Variants in LANCL1 observed in about 807,000 individuals in gnomAD.
LANCL1 encodes the protein glutathione S-transferase LANCL1.
LANCL1 carries 50 observed loss-of-function variants against 50.6 expected under a neutral mutation model. The ratio of observed to expected loss-of-function variants is 0.99; its 90% CI spans 0.79 to 1.25. The LOEUF is 1.25. LANCL1 is among the 50% of genes most tolerant of loss of function. LANCL1 has a pLI of 0.00. For missense variants in LANCL1, 532 were observed against 480.7 expected (o/e 1.11, Z -1.00); for synonymous variants, 188 against 178.6 (o/e 1.05, Z -0.42).
intron 8 of LANCL1, 104 bp from the exon 9 acceptor site, chr2:210,435,563 C>A: frequency 2.4e-6 from 2 of 817,750 alleles, no homozygotes; most frequent in South Asian, 1.4e-5. Flanking sequence ...TCAAACACTA[C>A]CTTCACATCA....
chr2:210,454,559 A>G (rs1693608569), intron 4 of LANCL1, among the ~76,000 whole-genome samples: 1 of 152,218 alleles, frequency 6.6e-6, no homozygotes, highest in Admixed American at 6.5e-5. Flanking sequence ...CACGGCAGCC[A>G]GGGTTCTTAG....
chr2:210,438,201 C>G (rs1191989722), intron 6 of LANCL1, among the ~76,000 whole-genome samples: 1 of 141,204 alleles, frequency 7.1e-6, no homozygotes, highest in Admixed American at 7.6e-5. Flanking sequence ...ATGGTGCGAT[C>G]TTGGCTCCCT....
chr2:210,476,242 T>C, intron 2 of LANCL1, 74 bp downstream of exon 2: 1 of 1,029,908 alleles, frequency 9.7e-7, no homozygotes, highest in East Asian at 2.4e-5. Flanking sequence ...CTCAACTCTC[T>C]CAGGCAAAAA....
chr2:210,471,384 C>T (rs1014317772), intron 3 of LANCL1: 2 of 351,746 alleles, frequency 5.7e-6, no homozygotes, highest in Admixed American at 3.9e-5. Context: ...TTTTTGACAT[C>T]AATGCACTGT....
At chr2:210,473,114 G>T (rs1223876181) in intron 2 of LANCL1, among the ~76,000 whole-genome samples, 1 of 152,166 alleles carries the variant, frequency 6.6e-6, no homozygotes, top group Non-Finnish European at 1.5e-5. Context: ...AGTGGCTAAT[G>T]CCTGTAATCC....
intron 4 of LANCL1, among the ~76,000 whole-genome samples, chr2:210,444,627 C>T (rs1339420217): frequency 6.6e-6 from 1 of 152,178 alleles, no homozygotes; most frequent in Non-Finnish European, 1.5e-5. Context: ...AATGCTGGCT[C>T]ATCCATTTTT....
intron 4 of LANCL1, among the ~76,000 whole-genome samples, chr2:210,449,685 C>T (rs1055998303): frequency 2.0e-5 from 3 of 152,194 alleles, no homozygotes; most frequent in African/African-American, 7.2e-5. Context: ...AAATCACAAG[C>T]ATTCCTATAC....
At chr2:210,471,118 C>T (rs1694211220) in intron 3 of LANCL1, among the ~76,000 whole-genome samples, 1 of 133,792 alleles carries the variant, frequency 7.5e-6, no homozygotes, top group Admixed American at 8.7e-5. Context: ...GTGATCTCAT[C>T]TCACTGCAAT....
chr2:210,476,118 G>A (rs1694359190), intron 2 of LANCL1, among the ~76,000 whole-genome samples, 198 bp downstream of exon 2: 1 of 152,058 alleles, frequency 6.6e-6, no homozygotes, highest in Non-Finnish European at 1.5e-5. Context: ...AATTAATAAT[G>A]TTAACAATGA....
intron 3 of LANCL1, among the ~76,000 whole-genome samples, chr2:210,465,854 TG>T (rs567475238): frequency 1.3e-5 from 2 of 151,822 alleles, no homozygotes; most frequent in Admixed American, 6.6e-5. Flanking sequence ...AACCCTATTC[TG>T]GGGGGGGAAA....
chr2:210,466,246 A>G (rs1020960229), intron 3 of LANCL1, among the ~76,000 whole-genome samples: 3 of 152,136 alleles, frequency 2.0e-5, no homozygotes, highest in Admixed American at 2.0e-4. Context: ...TACTTGCCCC[A>G]AACAGGTCTC....
intron 3 of LANCL1, among the ~76,000 whole-genome samples, chr2:210,464,829 G>A (rs1005758245): frequency 5.3e-5 from 8 of 150,360 alleles, no homozygotes; most frequent in African/African-American, 2.0e-4. Context: ...AGCCGGGTGC[G>A]GTGGCGGGCG....
In LANCL1 at chr2:210,431,304, C is replaced by CA. The variant is rs533031618; in HGVS notation, c.*3182dup. On this transcript the variant is annotated 3_prime_UTR_variant, in exon 10 of 10. Transcript: ENST00000450366. Reference sequence around the variant, plus strand: ...CTAGTAAGTCAAATACTTTACAGAACATAGAAATACATATGATCCCAGCCT... The same window carrying CA: ...CTAGTAAGTCAAATACTTTACAGAACAATAGAAATACATATGATCCCAGCCT... 3.9e-5 allele frequency: 6 copies of CA among 152,274 alleles called. No homozygotes were observed. The South Asian group carries it at 1.2e-3, about 32-fold the overall frequency. 9.4% of individuals were successfully genotyped at this position (152,274 alleles called of 1,614,324 possible).
chr2:210,437,454 G>A (rs1692972521), intron 7 of LANCL1, among the ~76,000 whole-genome samples: 1 of 152,080 alleles, frequency 6.6e-6, no homozygotes, highest in African/African-American at 2.4e-5. Context: ...TAGATAATAT[G>A]CTGGATCATA....
intron 9 of LANCL1, among the ~76,000 whole-genome samples, chr2:210,434,876 A>G (rs901111088): frequency 1.3e-5 from 2 of 152,054 alleles, no homozygotes; most frequent in African/African-American, 4.8e-5. Flanking sequence ...ATTTTTTAAC[A>G]TTAACAACAT....
chr2:210,444,482 T>C (rs184856691), intron 4 of LANCL1, among the ~76,000 whole-genome samples: 180 of 152,336 alleles, frequency 1.2e-3, no homozygotes, highest in African/African-American at 4.0e-3. Flanking sequence ...GAGAAACTTA[T>C]GAAGGAGTCT....
intron 3 of LANCL1, among the ~76,000 whole-genome samples, chr2:210,464,020 A>G (rs1662118399): frequency 6.6e-6 from 1 of 152,238 alleles, no homozygotes; most frequent in Non-Finnish European, 1.5e-5. Context: ...AAAAGCCAAG[A>G]TAATTTCAGT....
chr2:210,476,236 ACT>A (rs936611736), intron 2 of LANCL1, 78 bp downstream of exon 2: 77 of 945,956 alleles, frequency 8.1e-5, no homozygotes, highest in African/African-American at 6.7e-4. Flanking sequence ...GGGATGCTCA[ACT>A]CTCTCAGGCA....
intron 2 of LANCL1, among the ~76,000 whole-genome samples, chr2:210,473,958 G>A (rs975164819): frequency 5.9e-5 from 9 of 152,292 alleles, no homozygotes; most frequent in Non-Finnish European, 1.0e-4. Context: ...TTGAGAACAC[G>A]TCATCTACTG....
Sources: gnomAD v4.1 joint callset for allele counts (sites outside exome capture counted in the v4.1 genomes callset) on GRCh38, gnomAD v4.1.1 for gene constraint, MANE v1.5 for transcripts, NCBI Gene and HGNC (gene_info 2026-07-23, HGNC 2026-07-21) for gene names.